MAP2K5: variants seen among roughly 807,000 people sequenced by gnomAD.
MAP2K5 encodes dual specificity mitogen-activated protein kinase kinase 5.
A neutral mutation model predicts 83.1 loss-of-function variants in MAP2K5; 49 were observed. That is an observed-to-expected ratio of 0.59 (90% CI 0.47 to 0.75). The LOEUF (loss-of-function observed/expected upper bound fraction) is 0.75, where lower values mean the gene tolerates loss of function less well. Among genes scored for constraint, MAP2K5 ranks in the 30% least tolerant of loss-of-function variants. The probability of loss-of-function intolerance (pLI) is 0.00; values close to 1 mark genes in which losing one functional copy is unlikely to be tolerated. For missense variants in MAP2K5, 457 were observed against 557.5 expected (o/e 0.82, Z 1.82); for synonymous variants, 202 against 191.8 (o/e 1.05, Z -0.44).
At chr15:67,773,895 T>C (rs2090188185) in intron 21 of MAP2K5, among the ~76,000 whole-genome samples, 1 of 152,244 alleles carries the variant, frequency 6.6e-6, no homozygotes, top group Non-Finnish European at 1.5e-5. Flanking sequence ...GAGACCCATT[T>C]ACCTTGTGCA....
chr15:67,760,383 TA>T lies in MAP2K5; in HGVS notation c.1135-9211del, dbSNP rs919050593. The stretch of plus-strand genomic sequence containing the variant: ...GAAGGATGTACAAAGTCACTTGAAG[TA>T]AAAAAAAGTTTTTTTAAACACACAA... On this transcript the variant is annotated intron_variant, in intron 19 of 21. Coordinates refer to ENST00000178640, the MANE Select transcript of MAP2K5 (RefSeq NM_145160.3). This position sits in a 1 kb window ranked among gnomAD's most constrained non-coding sequence, Gnocchi z 4.1. Among the ~76,000 whole-genome samples the T allele has an allele frequency of 3.0e-4, 46 of 152,126 alleles. No individual in the cohort carries two copies. Among genetic ancestry groups the T allele is most frequent in the African/African-American group, 1.0e-3 (43 of 41,532 alleles).
In MAP2K5 at chr15:67,769,103, A is replaced by G. The variant is rs898739287; in HGVS notation, c.1135-499A>G. ...CTTCCCCTATAAAAGCCTTTCTATT[A>G]AAGTAAAAAAAAAAAATTGATCCAA... On this transcript the variant is annotated intron_variant, in intron 19 of 21. Coordinates refer to ENST00000178640, the MANE Select transcript of MAP2K5 (RefSeq NM_145160.3). The surrounding 1 kb of genome is among the most constrained non-coding windows in gnomAD (Gnocchi z 5.2). Among the ~76,000 whole-genome samples the G allele has an allele frequency of 1.5e-4, 2 of 13,478 alleles. No homozygotes were observed. The highest frequency in any genetic ancestry group is 1.2e-3 in the Admixed American group (1 of 846). 8.8% of individuals were successfully genotyped at this position (13,478 alleles called of 152,430 possible).
intron 11 of MAP2K5, among the ~76,000 whole-genome samples, chr15:67,650,514 A>G (rs1184705744): frequency 1.3e-4 from 2 of 15,904 alleles, no homozygotes; most frequent in Non-Finnish European, 3.0e-4. Context: ...TAGTTTGTTG[A>G]GTTTTTTTTT....
intron 13 of MAP2K5, among the ~76,000 whole-genome samples, chr15:67,670,765 C>T (rs752703794): frequency 6.6e-6 from 1 of 151,750 alleles, no homozygotes; most frequent in Non-Finnish European, 1.5e-5. Context: ...AGGATATCTA[C>T]AATGCCAGAA....
intron 6 of MAP2K5, among the ~76,000 whole-genome samples, chr15:67,589,062 C>T (rs2085344800): frequency 1.3e-5 from 2 of 151,718 alleles, no homozygotes; most frequent in Non-Finnish European, 2.9e-5. Context: ...CTAGGCTAGT[C>T]TCAAACTCCT....
chr15:67,553,072 A>G lies in MAP2K5; in HGVS notation c.184+2990A>G, dbSNP rs550141855. On this transcript the variant is annotated intron_variant, in intron 2 of 21. Coordinates refer to ENST00000178640, the MANE Select transcript of MAP2K5 (RefSeq NM_145160.3). ...AATAATAATACTGATTATTTTAACTATCATTCATTGATAGCTTGCTCTGTG... is the reference window on the plus strand; with the variant it reads ...AATAATAATACTGATTATTTTAACTGTCATTCATTGATAGCTTGCTCTGTG... 1.4e-4 allele frequency among the ~76,000 whole-genome samples: 22 copies of G among 152,284 alleles called. No homozygotes were observed. The East Asian group carries it at 2.7e-3, about 19-fold the overall frequency.
chr15:67,751,865 C>T (rs1371967523), intron 19 of MAP2K5, among the ~76,000 whole-genome samples: 3 of 152,160 alleles, frequency 2.0e-5, no homozygotes, highest in South Asian at 2.1e-4. Context: ...TTGATATTCT[C>T]GGGCCTCTTG....
chr15:67,751,274 A>G (rs1032268197), intron 19 of MAP2K5, among the ~76,000 whole-genome samples: 13 of 152,198 alleles, frequency 8.5e-5, no homozygotes, highest in Non-Finnish European at 1.5e-4. Flanking sequence ...AAGTAACAGG[A>G]GAATTGAGCT....
intron 1 of MAP2K5, chr15:67,546,350 A>C (rs1255621815): frequency 6.6e-6 from 1 of 152,628 alleles, no homozygotes; most frequent in South Asian, 2.1e-4. Flanking sequence ...ATACCTTGCT[A>C]AAGCCACCCA....
Position 67,801,048 on chromosome 15 carries a change from G to A in MAP2K5, c.1243-5598G>A, listed in dbSNP as rs914772122. On this transcript the variant is annotated intron_variant, in intron 21 of 21. Coordinates refer to ENST00000178640, the MANE Select transcript of MAP2K5 (RefSeq NM_145160.3). The surrounding 1 kb of genome is among the most constrained non-coding windows in gnomAD (Gnocchi z 4.8). Reference sequence around the variant, plus strand: ...AATTTTCTTAACAGAATTTGAAACCGCTGCAGAGCCCCCAAAGCACCTCAC... The same window carrying A: ...AATTTTCTTAACAGAATTTGAAACCACTGCAGAGCCCCCAAAGCACCTCAC... Among the ~76,000 whole-genome samples the A allele has an allele frequency of 1.3e-5, 2 of 152,074 alleles. No individual in the cohort carries two copies. Among genetic ancestry groups the A allele is most frequent in the African/African-American group, 2.4e-5 (1 of 41,384 alleles).
chr15:67,731,796 G>A (rs901759396), intron 17 of MAP2K5, among the ~76,000 whole-genome samples: 2 of 152,124 alleles, frequency 1.3e-5, no homozygotes, highest in Non-Finnish European at 2.9e-5. Flanking sequence ...TTCTTAATTC[G>A]TTTGGCTATT....
At chr15:67,581,650 A>G (rs2085181129) in intron 4 of MAP2K5, among the ~76,000 whole-genome samples, 1 of 152,224 alleles carries the variant, frequency 6.6e-6, no homozygotes, top group East Asian at 1.9e-4. Flanking sequence ...GTTAACTGAT[A>G]CTGTACAAAT....
intron 16 of MAP2K5, among the ~76,000 whole-genome samples, chr15:67,715,176 T>C (rs560224020): frequency 6.6e-6 from 1 of 152,118 alleles, no homozygotes; most frequent in South Asian, 2.1e-4. Context: ...TCCCCTGCTC[T>C]TACTCCCTTT....
rs61493121 is a variant in MAP2K5, at chr15:67,794,638, G to GAA, written c.1243-11990_1243-11989dup. Among the ~76,000 whole-genome samples the GAA allele has an allele frequency of 2.6e-5, 3 of 116,516 alleles. No individual in the cohort carries two copies. Among genetic ancestry groups the GAA allele is most frequent in the African/African-American group, 6.4e-5 (2 of 31,160 alleles). 76.4% of individuals were successfully genotyped at this position (116,516 alleles called of 152,430 possible). ...CGGGTAACTCTGGAACATCACAGCT[G>GAA]AAAAAAAAAAAAAAAAAAAGACGGT... On this transcript the variant is annotated intron_variant, in intron 21 of 21. Transcript: ENST00000178640. This position sits in a 1 kb window ranked among gnomAD's most constrained non-coding sequence, Gnocchi z 4.6.
At position 67,561,011 on chromosome 15, in the gene MAP2K5, A is replaced by G. The variant is rs2084724848; in HGVS notation, c.185-2272A>G. Among the ~76,000 whole-genome samples, 1 of 152,188 alleles carries G rather than the reference A, an allele frequency of 6.6e-6. No individual in the cohort carries two copies. ...ACAATACCTTATTCAGGTCTTGGGT[A>G]TATTGAAATTCAAATATAAGCAGTC... On this transcript the variant is annotated intron_variant, in intron 2 of 21. Transcript: ENST00000178640. The surrounding 1 kb of genome is among the most constrained non-coding windows in gnomAD (Gnocchi z 4.2).
At position 67,783,603 on chromosome 15, in the gene MAP2K5, G is replaced by T. The variant is rs2090366626; in HGVS notation, c.1242+10851G>T. ...TCGTCACGCTTTGTGGCAGTAACTT[G>T]TGGTAACAGTCAATAAAAGAGACCA... On this transcript the variant is annotated intron_variant, in intron 21 of 21. Transcript: ENST00000178640. The surrounding 1 kb of genome is among the most constrained non-coding windows in gnomAD (Gnocchi z 5.1). Among the ~76,000 whole-genome samples, 1 of 152,202 alleles carries T rather than the reference G, an allele frequency of 6.6e-6. No homozygotes were observed. Among genetic ancestry groups the T allele is most frequent in the Admixed American group, 6.5e-5 (1 of 15,278 alleles).
At chr15:67,796,809 A>G (rs2090612720) in intron 21 of MAP2K5, among the ~76,000 whole-genome samples, 1 of 152,224 alleles carries the variant, frequency 6.6e-6, no homozygotes, top group African/African-American at 2.4e-5. Context: ...TTTCTCACTC[A>G]TGTTAAAGCA....
chr15:67,580,689 C>A, intron 3 of MAP2K5, 65 bp from the exon 4 acceptor site: 1 of 1,005,372 alleles, frequency 9.9e-7, no homozygotes, highest in Non-Finnish European at 1.6e-6. Context: ...AATTAAACAA[C>A]CCATAAGTGT....
rs920310239 is a variant in MAP2K5 at position 67,638,844 on chromosome 15, T to C, written c.586-7387T>C. On this transcript the variant is annotated intron_variant, in intron 9 of 21. Coordinates refer to ENST00000178640, the MANE Select transcript of MAP2K5 (RefSeq NM_145160.3). The surrounding 1 kb of genome is among the most constrained non-coding windows in gnomAD (Gnocchi z 4.5). Reference sequence around the variant, plus strand: ...ATCAGTGATGTTGAGCGTTTTTCCATAGGATTGTTGGCCTCGTGTATATCT... The same window carrying C: ...ATCAGTGATGTTGAGCGTTTTTCCACAGGATTGTTGGCCTCGTGTATATCT... Among the ~76,000 whole-genome samples, 4 of 152,210 alleles carry C rather than the reference T, an allele frequency of 2.6e-5. No individual in the cohort carries two copies. The highest frequency in any genetic ancestry group is 2.9e-5 in the Non-Finnish European group (2 of 68,026).
Sources: allele counts gnomAD v4.1 joint callset (sites outside exome capture counted in the v4.1 genomes callset), GRCh38; gene constraint gnomAD v4.1.1; non-coding constraint Gnocchi (gnomAD v3.1); transcripts MANE v1.5; gene names NCBI Gene and HGNC (gene_info 2026-07-23, HGNC 2026-07-21).